Variants in PDE11A observed in about 807,000 individuals in gnomAD.
The protein encoded by PDE11A is dual 3',5'-cyclic-AMP and -GMP phosphodiesterase 11A.
PDE11A carries 100 observed loss-of-function variants against 100.5 expected under a neutral mutation model. That is an observed-to-expected ratio of 1.00 (90% confidence interval 0.85 to 1.18). PDE11A has a LOEUF of 1.18. PDE11A is among the 50% of genes most tolerant of loss of function. The pLI is 0.00. For synonymous variants in PDE11A, 381 were observed against 420.8 expected, an observed-to-expected ratio of 0.91 and a Z score of 1.16; for missense variants, 1,141 against 1,152.6, an observed-to-expected ratio of 0.99 and a Z score of 0.15.
intron 3 of PDE11A, among the ~76,000 whole-genome samples, chr2:177,903,587 A>G (rs563715350): frequency 3.9e-5 from 6 of 152,352 alleles, no homozygotes; most frequent in African/African-American, 1.2e-4. Flanking sequence ...GCTTCACTTA[A>G]GGAGTTCAAA....
At chr2:177,849,223 G>A (rs928705981) in intron 5 of PDE11A, among the ~76,000 whole-genome samples, 2 of 152,132 alleles carry the variant, frequency 1.3e-5, no homozygotes, top group African/African-American at 4.8e-5. Context: ...ATACAGAAAG[G>A]GGTATGGGCA....
chr2:178,050,881 T>A (rs539404467), intron 1 of PDE11A, among the ~76,000 whole-genome samples: 1 of 152,278 alleles, frequency 6.6e-6, no homozygotes, highest in South Asian at 2.1e-4. Context: ...CTACGTCTGA[T>A]TGGTATACCT....
chr2:178,089,636 C>T (rs912464705), intron 2 of PDE11A, among the ~76,000 whole-genome samples: 3 of 152,194 alleles, frequency 2.0e-5, no homozygotes, highest in Non-Finnish European at 4.4e-5. Flanking sequence ...AAGACAGAGA[C>T]CAAGGTCAGG....
At chr2:178,092,381 AT>A (rs1410916072) in intron 2 of PDE11A, 2 of 152,248 alleles carry the variant, frequency 1.3e-5, no homozygotes, top group African/African-American at 4.8e-5. Flanking sequence ...ACAATAAAAA[AT>A]ATCAACCTTT....
intron 1 of PDE11A, among the ~76,000 whole-genome samples, chr2:178,063,613 A>G (rs541114292): frequency 2.0e-5 from 3 of 152,294 alleles, no homozygotes; most frequent in African/African-American, 7.2e-5. Flanking sequence ...TTGGCAAACT[A>G]TGGGCTATAG....
intron 9 of PDE11A, among the ~76,000 whole-genome samples, chr2:177,781,895 G>C (rs1007814762): frequency 6.6e-6 from 1 of 152,182 alleles, no homozygotes; most frequent in Non-Finnish European, 1.5e-5. Context: ...CCAGTGGTTT[G>C]AGTGGGCCCT....
rs1042848026 is a variant in PDE11A, at chr2:177,764,776, C to A, written c.1788+4547G>T. On this transcript the variant is annotated intron_variant, in intron 10 of 19. Transcript: ENST00000286063. ...AGTAAATGTTAATGAGGATTAAAAA[C>A]CATTTTTTAGATCCTGGTTTCCTCA... Among the ~76,000 whole-genome samples, 8 of 152,154 alleles carry A rather than the reference C, an allele frequency of 5.3e-5. No individual in the cohort carries two copies. In the East Asian group the frequency reaches 7.7e-4, roughly 15 times the overall value.
chr2:178,048,362 G>C (rs2086779666), intron 1 of PDE11A, among the ~76,000 whole-genome samples: 1 of 152,156 alleles, frequency 6.6e-6, no homozygotes, highest in African/African-American at 2.4e-5. Context: ...ATGAAAGAAA[G>C]AGTTCTCTCA....
At chr2:177,818,556 G>A (rs545635241) in intron 7 of PDE11A, among the ~76,000 whole-genome samples, 83 of 151,936 alleles carry the variant, frequency 5.5e-4, no homozygotes, top group Non-Finnish European at 1.1e-3. Flanking sequence ...ATGTTAGAAT[G>A]TTCATAAAGC....
intron 10 of PDE11A, among the ~76,000 whole-genome samples, chr2:177,767,486 T>C (rs1236757539): frequency 8.5e-5 from 13 of 152,176 alleles, no homozygotes; most frequent in Non-Finnish European, 1.8e-4. Flanking sequence ...ATGATAATTA[T>C]AACAACAGCA....
At chr2:177,774,427 T>G (rs1035521763) in intron 9 of PDE11A, among the ~76,000 whole-genome samples, 1 of 152,216 alleles carries the variant, frequency 6.6e-6, no homozygotes, top group African/African-American at 2.4e-5. Flanking sequence ...CCAATTGCCT[T>G]TTGCAGCAGT....
chr2:178,063,330 G>A (rs1207111347), intron 1 of PDE11A, among the ~76,000 whole-genome samples: 1 of 152,058 alleles, frequency 6.6e-6, no homozygotes, highest in East Asian at 1.9e-4. Context: ...ATGTATGTGT[G>A]GTACTGTGTT....
At chr2:178,044,376 TTATATATATAAACTTTATATGTTTA>T (rs1379840622) in intron 1 of PDE11A, among the ~76,000 whole-genome samples, 25 of 148,172 alleles carry the variant, frequency 1.7e-4, no homozygotes, top group Admixed American at 4.7e-4. Context: ...ATATATGTTT[TTATATATATAAACTTTATATGTTTA>T]TATATATATA....
Position 177,828,516 on chromosome 2 carries a change from T to A in PDE11A, c.1501-8221A>T, listed in dbSNP as rs2083261509. Reference sequence around the variant, plus strand: ...AATGAATAAATTATATGTTAGAAGATGTTAAGATGATAGGGAAAAAACAGA... The same window carrying A: ...AATGAATAAATTATATGTTAGAAGAAGTTAAGATGATAGGGAAAAAACAGA... On this transcript the variant is annotated intron_variant, in intron 6 of 19. Coordinates refer to ENST00000286063, the MANE Select transcript of PDE11A (RefSeq NM_016953.4). Among the ~76,000 whole-genome samples the A allele has an allele frequency of 2.0e-5, 3 of 152,142 alleles. No homozygotes were observed. In the South Asian group the frequency reaches 6.2e-4, roughly 32 times the overall value.
intron 12 of PDE11A, among the ~76,000 whole-genome samples, chr2:177,714,467 G>T (rs1231902096): frequency 5.3e-5 from 8 of 152,274 alleles, no homozygotes; most frequent in Admixed American, 4.6e-4. Context: ...CCCAGTTATA[G>T]ATGAGAAAAC....
chr2:178,054,329 C>T (rs953658465), intron 1 of PDE11A, among the ~76,000 whole-genome samples: 9 of 152,166 alleles, frequency 5.9e-5, no homozygotes, highest in Admixed American at 5.2e-4. Flanking sequence ...CTTCCTTACA[C>T]CTTACACAAA....
intron 5 of PDE11A, among the ~76,000 whole-genome samples, chr2:177,845,617 C>T (rs1395234962): frequency 6.6e-6 from 1 of 152,178 alleles, no homozygotes; most frequent in African/African-American, 2.4e-5. Flanking sequence ...CTCCTCACTT[C>T]CCAGACGGGG....
intron 5 of PDE11A, among the ~76,000 whole-genome samples, chr2:177,844,550 T>A (rs1388970327): frequency 2.0e-5 from 3 of 152,062 alleles, no homozygotes; most frequent in African/African-American, 7.2e-5. Context: ...TTAATTTATT[T>A]ATTTTTTATT....
chr2:178,049,920 G>T (rs1183444299), intron 1 of PDE11A, among the ~76,000 whole-genome samples: 1 of 152,182 alleles, frequency 6.6e-6, no homozygotes, highest in Non-Finnish European at 1.5e-5. Flanking sequence ...TTCCACCTCT[G>T]GTGCAGGGTA....
Sources: allele counts gnomAD v4.1 joint callset (sites outside exome capture counted in the v4.1 genomes callset), GRCh38; gene constraint gnomAD v4.1.1; transcripts MANE v1.5; gene names NCBI Gene and HGNC (gene_info 2026-07-23, HGNC 2026-07-21).